Variants in NPHP3 observed in about 807,000 individuals in gnomAD.
NPHP3 encodes nephrocystin 3, also known as nephrocystin-3.
In NPHP3, 123 loss-of-function variants were observed where a neutral mutation model predicts 171.9. That is an observed-to-expected ratio of 0.72 (90% CI 0.62 to 0.83). The LOEUF (loss-of-function observed/expected upper bound fraction) is 0.83. NPHP3 is among the 40% of genes least tolerant of loss of function. NPHP3 has a pLI of 0.00. For missense variants in NPHP3, 1,506 were observed against 1,591.9 expected (o/e 0.95, Z 0.92); for synonymous variants, 558 against 579.2 (o/e 0.96, Z 0.52).
At chr3:132,693,177 C>T (rs1939343643) in intron 16 of NPHP3, 1 of 205,960 alleles carries the variant, frequency 4.9e-6, no homozygotes, top group Admixed American at 5.6e-5. Flanking sequence ...ATATCAGACA[C>T]ATTTCTAAAA....
In NPHP3 at chr3:132,682,837, AATGCTC is replaced by A; in HGVS notation, c.3697-25_3697-20del. On this transcript the variant is annotated intron_variant, in intron 25 of 26. Transcript: ENST00000337331. ...GTTTTTTCTTATTAAAAAAAATGAT[AATGCTC>A]ATGCACACTGGGTTTCTGAAATTAA... 1 of 1,437,894 alleles carries A rather than the reference AATGCTC, an allele frequency of 7.0e-7. No homozygotes were observed. Among genetic ancestry groups the A allele is most frequent in the Non-Finnish European group, 9.8e-7 (1 of 1,019,502 alleles). The allele number at this position is 1,437,894 out of a possible 1,614,324, so 89.1% of individuals were successfully genotyped here.
intron 1 of NPHP3, 164 bp downstream of exon 1, chr3:132,721,799 A>G (rs559931475): frequency 1.2e-5 from 11 of 934,858 alleles, no homozygotes; most frequent in East Asian, 7.9e-5. Flanking sequence ...AGAGACAGAA[A>G]AAGGGGAGGG....
At chr3:132,698,403 G>A (rs557116783) in intron 13 of NPHP3, among the ~76,000 whole-genome samples, 6 of 151,754 alleles carry the variant, frequency 4.0e-5, no homozygotes, top group East Asian at 1.9e-4. Flanking sequence ...TTAGCCTCCC[G>A]AGTAGATGGG....
intron 18 of NPHP3, among the ~76,000 whole-genome samples, chr3:132,690,916 T>C (rs1393016339): frequency 6.6e-6 from 1 of 152,184 alleles, no homozygotes; most frequent in Admixed American, 6.5e-5. Context: ...TGGACCCGTA[T>C]ATACACATAC....
intron 7 of NPHP3, among the ~76,000 whole-genome samples, chr3:132,706,291 G>T (rs1278744977): frequency 6.6e-6 from 1 of 151,376 alleles, no homozygotes; most frequent in Non-Finnish European, 1.5e-5. Context: ...CCCGGGAGGC[G>T]GAGCTTGGAG....
intron 6 of NPHP3, among the ~76,000 whole-genome samples, chr3:132,709,565 G>A (rs1939854875): frequency 6.6e-6 from 1 of 152,096 alleles, no homozygotes; most frequent in African/African-American, 2.4e-5. Context: ...TTATAGGCAT[G>A]AGCCACTGAG....
At position 132,686,276 on chromosome 3, in the gene NPHP3, G is replaced by C. The variant is rs760918168; in HGVS notation, c.3313C>G (p.Leu1105Val). 1 of 1,613,668 alleles carries C rather than the reference G, an allele frequency of 6.2e-7. No homozygotes were observed. Among genetic ancestry groups the C allele is most frequent in the South Asian group, 1.1e-5 (1 of 91,062 alleles). The change falls in exon 23 of 27, where the codon CTT (leucine) becomes GTT (valine). Residue 1105 changes from leucine to valine, a missense_variant. Physicochemically the swap from Leu to Val is conservative, Grantham distance 32. Transcript: ENST00000337331. Reference protein sequence around the residue: ...TLNELGVLYYLQNNLETADQF... With the variant: ...TLNELGVLYYVQNNLETADQF... ...GGTACTCACTCCAGGTTATTTTGAA[G>C]ATAGTAGAGAACACCCAGTTCATTG...
chr3:132,684,925 A>G (rs1020755386), intron 23 of NPHP3, 131 bp from the exon 24 acceptor site: 9 of 1,155,822 alleles, frequency 7.8e-6, no homozygotes, highest in Non-Finnish European at 1.1e-5. Flanking sequence ...TTCAGCTCAA[A>G]ATCTTACTTT....
At position 132,684,545 on chromosome 3, in the gene NPHP3, C is replaced by A. The variant is rs112749193; in HGVS notation, c.3570+9G>T. On this transcript the variant is annotated intron_variant, in intron 24 of 26. Transcript: ENST00000337331. Reference sequence around the variant, plus strand: ...TATAAAACATGTAAGAATGTCAAAGCTTACTTACCATTTTCTTATACAAGA... The same window carrying A: ...TATAAAACATGTAAGAATGTCAAAGATTACTTACCATTTTCTTATACAAGA... 3.0e-4 allele frequency: 484 copies of A among 1,613,722 alleles called. 4 individuals carry two copies. In the African/African-American group the frequency reaches 4.7e-3, roughly 16 times the overall value.
chr3:132,710,717 C>T (rs575765984), intron 6 of NPHP3, among the ~76,000 whole-genome samples: 158 of 152,124 alleles, frequency 1.0e-3, no homozygotes, highest in Non-Finnish European at 1.5e-3. Flanking sequence ...AGATTTCTCC[C>T]GGGATTTTTC....
At chr3:132,703,955 T>C (rs948508599) in intron 9 of NPHP3, among the ~76,000 whole-genome samples, 8 of 152,210 alleles carry the variant, frequency 5.3e-5, no homozygotes, top group African/African-American at 1.9e-4. Context: ...GGTAGCATAA[T>C]AAACATGTGG....
intron 7 of NPHP3, among the ~76,000 whole-genome samples, chr3:132,706,401 A>AT (rs952602823): frequency 4.8e-4 from 71 of 146,786 alleles, no homozygotes; most frequent in Non-Finnish European, 8.6e-4. Flanking sequence ...AGAAGTATAC[A>AT]TTTTTTTTTT....
chr3:132,709,272 CTTTTTTTTTTTTTTTTT>C (rs3046397), intron 6 of NPHP3, among the ~76,000 whole-genome samples: 1 of 75,966 alleles, frequency 1.3e-5, no homozygotes, highest in Non-Finnish European at 2.3e-5. Flanking sequence ...CTTTCTCTCC[CTTTTTTTTTTTTTTTTT>C]TTTTTTTTTT....
chr3:132,709,091 A>G (rs1020215763), intron 6 of NPHP3, among the ~76,000 whole-genome samples: 2 of 152,106 alleles, frequency 1.3e-5, no homozygotes, highest in African/African-American at 4.8e-5. Flanking sequence ...ATACTACAGG[A>G]AAGATCTGGA....
chr3:132,699,322 T>C (rs1485635716), intron 13 of NPHP3, 31 bp downstream of exon 13: 10 of 1,401,312 alleles, frequency 7.1e-6, no homozygotes, highest in Non-Finnish European at 9.1e-6. Context: ...ACATTTCATG[T>C]ACTCTGAAAG....
rs765177103 is a variant in NPHP3 at position 132,696,793 on chromosome 3, G to C, written c.2109C>G (p.His703Gln). ...CATTGCAGGTTGTAGCAGAACGACAGTGTCGTTCTAGCTTCTTCTCCTGCA... is the reference window on the plus strand; with the variant it reads ...CATTGCAGGTTGTAGCAGAACGACACTGTCGTTCTAGCTTCTTCTCCTGCA... ...SKEQEKKLER[H>Q]CRSATTCNAL... The change falls in exon 15 of 27, where the codon CAC becomes CAG. Residue 703 changes from histidine to glutamine, a missense_variant. Around this residue, in one of 3 missense-constraint regions of NPHP3, gnomAD observed 930 missense variants for 924.9 expected, o/e 1.01. Coordinates refer to ENST00000337331, the MANE Select transcript of NPHP3 (RefSeq NM_153240.5). The C allele has an allele frequency of 3.7e-6, 6 of 1,613,750 alleles. No homozygotes were observed. The South Asian group carries it at 5.5e-5, about 15-fold the overall frequency.
At chr3:132,721,100 T>C (rs544501111) in intron 1 of NPHP3, among the ~76,000 whole-genome samples, 1 of 152,050 alleles carries the variant, frequency 6.6e-6, no homozygotes, top group South Asian at 2.1e-4. Context: ...GTATTTTTAG[T>C]AGAGACGGGG....
chr3:132,696,684 G>T, intron 15 of NPHP3, 47 bp downstream of exon 15: 1 of 1,543,088 alleles, frequency 6.5e-7, no homozygotes, highest in Non-Finnish European at 9.0e-7. Context: ...AGGGTCTGCA[G>T]CAAACACAAA....
chr3:132,689,233 C>T lies in NPHP3; in HGVS notation c.2724G>A (p.Trp908Ter), dbSNP rs1238123587. Reference protein sequence around the residue: ...RGHFAELLSYWQFVGKDKSAM... With the variant: ...RGHFAELLSY ...CACTTTTGTCTTTGCCAACAAACTG[C>T]CAATAACTCAGCAACTCAGCAAAGT... The change falls in exon 20 of 27, where the codon TGG becomes TGA. Residue 908 changes from tryptophan (W) to a stop codon, truncating the protein, a stop_gained. Coordinates refer to ENST00000337331, the MANE Select transcript of NPHP3 (RefSeq NM_153240.5). LOFTEE classifies it high-confidence loss of function. 9 of 1,614,070 alleles carry T rather than the reference C, an allele frequency of 5.6e-6. No individual in the cohort carries two copies. The highest frequency in any genetic ancestry group is 1.7e-5 in the Admixed American group (1 of 60,022).
Sources: allele counts gnomAD v4.1 joint callset (sites outside exome capture counted in the v4.1 genomes callset), GRCh38; gene constraint gnomAD v4.1.1; regional missense constraint gnomAD v4.1.1; transcripts MANE v1.5; gene names NCBI Gene and HGNC (gene_info 2026-07-23, HGNC 2026-07-21).